ROBO2: variants seen among roughly 807,000 people sequenced by gnomAD.
The protein encoded by ROBO2 is roundabout homolog 2.
ROBO2 carries 53 observed loss-of-function variants against 160.8 expected under a neutral mutation model. The ratio of observed to expected loss-of-function variants is 0.33; its 90% CI spans 0.26 to 0.41. The LOEUF is 0.41. Ranked by LOEUF, ROBO2 falls within the 10% of genes least tolerant of loss-of-function variation. The probability of loss-of-function intolerance (pLI) is 1.00; values close to 1 mark genes in which losing one functional copy is unlikely to be tolerated. For missense variants in ROBO2, 1,577 were observed against 1,722.4 expected, an observed-to-expected ratio of 0.92 and a Z score of 1.49; for synonymous variants, 664 against 611.7, an observed-to-expected ratio of 1.09 and a Z score of -1.26.
intron 2 of ROBO2, among the ~76,000 whole-genome samples, chr3:77,420,124 G>T (rs2077580740): frequency 2.0e-5 from 3 of 151,918 alleles, no homozygotes; most frequent in African/African-American, 7.3e-5. Flanking sequence ...TTAACTTTAA[G>T]AAATGACTTC....
intron 2 of ROBO2, among the ~76,000 whole-genome samples, chr3:77,445,423 T>A (rs1262609437): frequency 6.6e-6 from 1 of 152,072 alleles, no homozygotes; most frequent in Non-Finnish European, 1.5e-5. Flanking sequence ...CATAAAATAC[T>A]TCCCTACTTC....
In ROBO2 at chr3:76,086,521, G is replaced by A. The variant is rs114733216; in HGVS notation, c.109+148919G>A. Among the ~76,000 whole-genome samples the A allele has an allele frequency of 4.5e-4, 69 of 152,216 alleles. 1 individual carries two copies. The highest frequency in any genetic ancestry group is 1.6e-3 in the African/African-American group (67 of 41,530). On this transcript the variant is annotated intron_variant, in intron 2 of 26. Coordinates refer to the ROBO2 transcript ENST00000487694. Reference sequence around the variant, plus strand: ...GAGAAGTAGGTAAAGTTCATAGTCCGAAGTCACAGGCTCAACAAAATACTA... The same window carrying A: ...GAGAAGTAGGTAAAGTTCATAGTCCAAAGTCACAGGCTCAACAAAATACTA...
At chr3:76,026,837 C>T (rs750760299) in intron 2 of ROBO2, among the ~76,000 whole-genome samples, 1 of 151,854 alleles carries the variant, frequency 6.6e-6, no homozygotes, top group Non-Finnish European at 1.5e-5. Flanking sequence ...TAAGGGGAGA[C>T]TTTATATAGA....
chr3:77,461,114 T>A (rs993988678), intron 2 of ROBO2, among the ~76,000 whole-genome samples: 19 of 152,304 alleles, frequency 1.2e-4, no homozygotes, highest in African/African-American at 4.6e-4. Flanking sequence ...TGGGACTCTG[T>A]GGTAAAAAAT....
intron 2 of ROBO2, among the ~76,000 whole-genome samples, chr3:76,615,419 C>A (rs1346850985): frequency 6.6e-6 from 1 of 152,076 alleles, no homozygotes; most frequent in African/African-American, 2.4e-5. Context: ...TAATCATCCC[C>A]TTCAATAAAG....
intron 2 of ROBO2, among the ~76,000 whole-genome samples, chr3:76,124,352 GACTCTATCTAGT>G (rs1170338138): frequency 6.6e-6 from 1 of 151,874 alleles, no homozygotes; most frequent in East Asian, 1.9e-4. Flanking sequence ...ATCTCATTAT[GACTCTATCTAGT>G]ACTCTATACT....
intron 2 of ROBO2, among the ~76,000 whole-genome samples, chr3:77,366,566 CTGTT>C (rs2070904339): frequency 6.6e-6 from 1 of 152,074 alleles, no homozygotes; most frequent in Admixed American, 6.6e-5. Flanking sequence ...GTGTCTCAGT[CTGTT>C]TATGTTGCTA....
chr3:76,184,259 G>A (rs1239289927), intron 2 of ROBO2, among the ~76,000 whole-genome samples: 1 of 151,948 alleles, frequency 6.6e-6, no homozygotes, highest in Admixed American at 6.6e-5. Context: ...TGACTTCTAG[G>A]GTACCACAGG....
chr3:75,963,623 A>T (rs1949003302), intron 2 of ROBO2, among the ~76,000 whole-genome samples: 1 of 151,840 alleles, frequency 6.6e-6, no homozygotes, highest in Non-Finnish European at 1.5e-5. Flanking sequence ...TTTACCAATT[A>T]TGTTAGTTTT....
At chr3:77,136,724 T>A (rs1376213457) in intron 2 of ROBO2, among the ~76,000 whole-genome samples, 2 of 150,786 alleles carry the variant, frequency 1.3e-5, no homozygotes, top group African/African-American at 2.4e-5. Context: ...GCAACCTCCA[T>A]CTCCCTGGTT....
chr3:76,884,221 CT>C (rs1473153342), intron 2 of ROBO2, among the ~76,000 whole-genome samples: 1 of 152,052 alleles, frequency 6.6e-6, no homozygotes, highest in Admixed American at 6.6e-5. Context: ...GAAATATCCC[CT>C]TTTTCAGTTA....
chr3:77,286,257 T>G (rs1440918861), intron 2 of ROBO2, among the ~76,000 whole-genome samples: 1 of 90,622 alleles, frequency 1.1e-5, no homozygotes, highest in Non-Finnish European at 2.0e-5. Flanking sequence ...ATTATGGAGC[T>G]TTTTTTTTTT....
At chr3:76,296,361 G>A (rs1576303246) in intron 2 of ROBO2, among the ~76,000 whole-genome samples, 1 of 152,200 alleles carries the variant, frequency 6.6e-6, no homozygotes, top group African/African-American at 2.4e-5. Flanking sequence ...ATGTGTGGTT[G>A]TTTGTTACAG....
chr3:76,619,421 T>C (rs2109222586), intron 2 of ROBO2, among the ~76,000 whole-genome samples: 1 of 152,342 alleles, frequency 6.6e-6, no homozygotes, highest in South Asian at 2.1e-4. Context: ...GAGCAATTTC[T>C]TTTCTTACGG....
chr3:75,936,625 T>C (rs1298702450), intron 1 of ROBO2, among the ~76,000 whole-genome samples: 1 of 152,120 alleles, frequency 6.6e-6, no homozygotes. Context: ...TTTGAACTTA[T>C]CATTATTCAA....
At chr3:77,005,008 C>T (rs543876285) in intron 2 of ROBO2, among the ~76,000 whole-genome samples, 17 of 151,876 alleles carry the variant, frequency 1.1e-4, no homozygotes, top group African/African-American at 3.4e-4. Context: ...GAGACAGAAA[C>T]GAAAAACCAT....
intron 6 of ROBO2, chr3:77,538,772 C>G (rs1031073652): frequency 2.8e-6 from 1 of 363,452 alleles, no homozygotes; most frequent in South Asian, 2.1e-5. Context: ...CAATTAGAAC[C>G]CAAACTGAGT....
At chr3:76,773,172 A>G (rs1013427434) in intron 2 of ROBO2, among the ~76,000 whole-genome samples, 16 of 151,068 alleles carry the variant, frequency 1.1e-4, no homozygotes, top group African/African-American at 3.9e-4. Flanking sequence ...AAAATGCAGC[A>G]TTTAGTCACA....
At chr3:76,479,956 T>A (rs998562689) in intron 2 of ROBO2, among the ~76,000 whole-genome samples, 1 of 152,120 alleles carries the variant, frequency 6.6e-6, no homozygotes, top group East Asian at 1.9e-4. Context: ...TGGTAATTAG[T>A]GATTTGATGA....
Sources: gnomAD v4.1 joint callset for allele counts (sites outside exome capture counted in the v4.1 genomes callset) on GRCh38, gnomAD v4.1.1 for gene constraint, MANE v1.5 for transcripts, NCBI Gene and HGNC (gene_info 2026-07-23, HGNC 2026-07-21) for gene names.